Variants in CDH12 observed in about 807,000 individuals in gnomAD.
CDH12 encodes the protein cadherin 12.
CDH12 carries 41 observed loss-of-function variants against 74.1 expected under a neutral mutation model. That is an observed-to-expected ratio of 0.55 (90% CI 0.43 to 0.72). The LOEUF (loss-of-function observed/expected upper bound fraction) is 0.72. Among genes scored for constraint, CDH12 ranks in the 30% least tolerant of loss-of-function variants. CDH12 has a pLI of 0.00. For synonymous variants in CDH12, 399 were observed against 355.0 expected (o/e 1.12, Z -1.39); for missense variants, 945 against 977.2 (o/e 0.97, Z 0.44).
chr5:21,867,585 A>C (rs1579864405), intron 6 of CDH12, among the ~76,000 whole-genome samples: 1 of 152,054 alleles, frequency 6.6e-6, no homozygotes, highest in East Asian at 1.9e-4. Flanking sequence ...CTGGATTTTG[A>C]ACTTGCTTGG....
At chr5:22,647,918 G>A (rs2126879555) in intron 1 of CDH12, among the ~76,000 whole-genome samples, 1 of 151,770 alleles carries the variant, frequency 6.6e-6, no homozygotes. Context: ...CTTCCAAGTT[G>A]AAAGTGAGCT....
At chr5:22,824,348 A>G (rs769753130) in intron 1 of CDH12, among the ~76,000 whole-genome samples, 11 of 152,276 alleles carry the variant, frequency 7.2e-5, no homozygotes, top group Middle Eastern at 3.4e-3. Context: ...TTTTACATAC[A>G]AGAAAAAATT....
intron 5 of CDH12, among the ~76,000 whole-genome samples, chr5:22,058,046 A>T (rs1318029414): frequency 1.4e-4 from 18 of 132,622 alleles, no homozygotes; most frequent in African/African-American, 4.8e-4. Context: ...TCTATCTATC[A>T]TCTATCTTTT....
At chr5:22,326,710 C>G (rs955313167) in intron 3 of CDH12, among the ~76,000 whole-genome samples, 7 of 152,120 alleles carry the variant, frequency 4.6e-5, no homozygotes, top group Non-Finnish European at 8.8e-5. Flanking sequence ...AAAATTGTAC[C>G]TATAAAATCC....
rs111852039 is a variant in CDH12 at position 21,902,167 on chromosome 5, T to C, written c.527-47377A>G. Among the ~76,000 whole-genome samples, 567 of 152,024 alleles carry C rather than the reference T, an allele frequency of 3.7e-3. 4 individuals carry two copies. Among genetic ancestry groups the C allele is most frequent in the African/African-American group, 0.013 (540 of 41,508 alleles). On this transcript the variant is annotated intron_variant, in intron 6 of 14. Coordinates refer to ENST00000382254, the MANE Select transcript of CDH12 (RefSeq NM_004061.5). Reference sequence around the variant, plus strand: ...TCTTAGAGATATGTTGCCTCTTGATTATGAAGGGAGACTTGCAAGTGATAA... The same window carrying C: ...TCTTAGAGATATGTTGCCTCTTGATCATGAAGGGAGACTTGCAAGTGATAA...
intron 3 of CDH12, among the ~76,000 whole-genome samples, chr5:22,350,128 G>A (rs1314828581): frequency 6.6e-5 from 10 of 151,930 alleles, no homozygotes; most frequent in South Asian, 2.1e-4. Flanking sequence ...TTTTAGTAAC[G>A]ACTAAGAAAA....
chr5:22,015,099 GTGTT>G (rs1235789679), intron 5 of CDH12, among the ~76,000 whole-genome samples: 3 of 152,164 alleles, frequency 2.0e-5, no homozygotes, highest in African/African-American at 7.2e-5. Flanking sequence ...GACAAACTGA[GTGTT>G]TGCTCAACCA....
rs76843186 is a variant in CDH12, at chr5:22,732,276, T to C, written c.-523+120782A>G. On this transcript the variant is annotated intron_variant, in intron 1 of 14. Transcript: ENST00000382254. ...TCTTTGTCCTAATCTCCACTTCTTA[T>C]AAGTGTACCAAACATACATGTTTAT... 4.6e-5 allele frequency among the ~76,000 whole-genome samples: 7 copies of C among 151,878 alleles called. No homozygotes were observed. In the East Asian group the frequency reaches 1.4e-3, roughly 30 times the overall value.
At chr5:22,569,782 A>G (rs1352652654) in intron 1 of CDH12, among the ~76,000 whole-genome samples, 1 of 152,098 alleles carries the variant, frequency 6.6e-6, no homozygotes, top group Non-Finnish European at 1.5e-5. Context: ...TTTTTTTGCT[A>G]TATCTACCAT....
rs191389177 is a variant in CDH12, at chr5:21,919,005, A to G, written c.526+56086T>C. Among the ~76,000 whole-genome samples, 12 of 152,304 alleles carry G rather than the reference A, an allele frequency of 7.9e-5. No individual in the cohort carries two copies. In the East Asian group the frequency reaches 1.5e-3, roughly 20 times the overall value. On this transcript the variant is annotated intron_variant, in intron 6 of 14. Coordinates refer to ENST00000382254, the MANE Select transcript of CDH12 (RefSeq NM_004061.5). The stretch of plus-strand genomic sequence containing the variant: ...AAGTAAAATTTTCAACTTGTTGCCT[A>G]CAAGTAATGCAAATTTCACTTGATT...
At chr5:22,698,739 T>A (rs760659154) in intron 1 of CDH12, among the ~76,000 whole-genome samples, 7,866 of 27,688 alleles carry the variant, frequency 0.28, 1,483 homozygotes, top group Admixed American at 0.38. Context: ...ATATATAGTG[T>A]GTGTGTGTGT....
intron 5 of CDH12, among the ~76,000 whole-genome samples, chr5:21,993,659 A>G (rs926372506): frequency 3.3e-5 from 5 of 152,142 alleles, no homozygotes; most frequent in African/African-American, 1.2e-4. Context: ...AATTATCTTC[A>G]AAGCTGCTTC....
chr5:22,405,148 T>A (rs909248640), intron 3 of CDH12, 109 bp downstream of exon 3: 7 of 174,936 alleles, frequency 4.0e-5, no homozygotes, highest in African/African-American at 1.7e-4. Context: ...AGGTGGAGGC[T>A]GCAGTGAGCC....
intron 1 of CDH12, among the ~76,000 whole-genome samples, chr5:22,625,240 G>A (rs540071732): frequency 6.6e-6 from 1 of 152,102 alleles, no homozygotes; most frequent in African/African-American, 2.4e-5. Flanking sequence ...CACCAACATG[G>A]CACATGTATA....
Position 22,729,051 on chromosome 5 carries a change from C to T in CDH12, c.-523+124007G>A, listed in dbSNP as rs78304291. Among the ~76,000 whole-genome samples, 1,357 of 151,960 alleles carry T rather than the reference C, an allele frequency of 8.9e-3. 22 individuals are homozygous for T. The highest frequency in any genetic ancestry group is 0.031 in the African/African-American group (1,298 of 41,482). ...AGCAGTTCCTCATTACCATGTTAGC[C>T]TCTGTATTAATGAATGTTCTATGAC... On this transcript the variant is annotated intron_variant, in intron 1 of 14. Transcript: ENST00000382254.
chr5:22,636,630 G>T (rs1738855515), intron 1 of CDH12, among the ~76,000 whole-genome samples: 1 of 152,166 alleles, frequency 6.6e-6, no homozygotes, highest in Non-Finnish European at 1.5e-5. Flanking sequence ...AAATCTATAA[G>T]AAGATAAATA....
At chr5:22,508,561 C>A (rs1413133500) in intron 1 of CDH12, among the ~76,000 whole-genome samples, 1 of 152,124 alleles carries the variant, frequency 6.6e-6, no homozygotes, top group Non-Finnish European at 1.5e-5. Context: ...TTTTAAAGAT[C>A]TGAATAGGAA....
intron 6 of CDH12, among the ~76,000 whole-genome samples, chr5:21,960,884 G>A (rs1162783594): frequency 6.6e-6 from 1 of 151,848 alleles, no homozygotes; most frequent in African/African-American, 2.4e-5. Flanking sequence ...CTCAATCAAC[G>A]CAAAAACCAT....
At chr5:22,005,758 TTAGA>T (rs1312955518) in intron 5 of CDH12, among the ~76,000 whole-genome samples, 1 of 152,316 alleles carries the variant, frequency 6.6e-6, no homozygotes, top group South Asian at 2.1e-4. Flanking sequence ...ACTGCCACTA[TTAGA>T]TACTTTTTGA....
Sources: gnomAD v4.1 joint callset for allele counts (sites outside exome capture counted in the v4.1 genomes callset) on GRCh38, gnomAD v4.1.1 for gene constraint, MANE v1.5 for transcripts, NCBI Gene and HGNC (gene_info 2026-07-23, HGNC 2026-07-21) for gene names.